The following FHIP1A variants were observed in gnomAD, a reference collection of about 807,000 sequenced individuals.
FHIP1A encodes the protein FHF complex subunit HOOK-interacting protein 1A.
In FHIP1A, 61 loss-of-function variants were observed where a neutral mutation model predicts 88.6. The observed-to-expected ratio is 0.69, with a 90% CI of 0.56 to 0.85. The LOEUF (loss-of-function observed/expected upper bound fraction) is 0.85, where lower values mean the gene tolerates loss of function less well. Among genes scored for constraint, FHIP1A ranks in the 40% least tolerant of loss-of-function variants. The pLI is 0.00. For synonymous variants in FHIP1A, 478 were observed against 496.0 expected (o/e 0.96, Z 0.48); for missense variants, 1,154 against 1,273.5 (o/e 0.91, Z 1.43).
At chr4:151,579,262 A>G (rs1356518731) in intron 5 of FHIP1A, among the ~76,000 whole-genome samples, 1 of 152,172 alleles carries the variant, frequency 6.6e-6, no homozygotes, top group Non-Finnish European at 1.5e-5. Flanking sequence ...GGGTGACTAT[A>G]ATGTGTCACT....
intron 2 of FHIP1A, among the ~76,000 whole-genome samples, chr4:151,462,682 T>G (rs546299333): frequency 6.6e-6 from 1 of 152,244 alleles, no homozygotes; most frequent in East Asian, 1.9e-4. Flanking sequence ...GCAATTGAAA[T>G]TTGATGAGCA....
rs537327611 is a variant in FHIP1A at position 151,526,557 on chromosome 4, C to T, written c.-122-39581C>T. Among the ~76,000 whole-genome samples the T allele has an allele frequency of 4.2e-3, 603 of 142,646 alleles. 3 individuals are homozygous for T. Among genetic ancestry groups the T allele is most frequent in the African/African-American group, 0.015 (564 of 38,076 alleles). The allele number at this position is 142,646 out of a possible 152,430, so 93.6% of individuals were successfully genotyped here. A position where few individuals can be genotyped will look rare whatever the true frequency, so the allele number is the denominator to read the frequency against. On this transcript the variant is annotated intron_variant, in intron 3 of 13. Coordinates refer to ENST00000435205, the MANE Select transcript of FHIP1A (RefSeq NM_001109977.3). ...GGGGCTACTCACTTCCCAGTAGGGG[C>T]GGCCGGGCAGAGGCGCCCCTCACCT...
intron 3 of FHIP1A, among the ~76,000 whole-genome samples, chr4:151,488,963 C>T (rs1270734669): frequency 7.2e-5 from 11 of 152,194 alleles, no homozygotes; most frequent in Admixed American, 7.2e-4. Flanking sequence ...GCAGCTCCCA[C>T]TTAGACAGAC....
chr4:151,471,133 A>G (rs1729495334), intron 2 of FHIP1A, among the ~76,000 whole-genome samples: 1 of 152,114 alleles, frequency 6.6e-6, no homozygotes, highest in African/African-American at 2.4e-5. Flanking sequence ...AGGGCCATTT[A>G]CCAATCAGTC....
At chr4:151,550,384 A>G (rs971377976) in intron 3 of FHIP1A, among the ~76,000 whole-genome samples, 1 of 151,966 alleles carries the variant, frequency 6.6e-6, no homozygotes, top group Non-Finnish European at 1.5e-5. Flanking sequence ...CCGAACCCCT[A>G]TGTGTGTATT....
At chr4:151,571,811 A>G (rs1733612257) in intron 4 of FHIP1A, among the ~76,000 whole-genome samples, 1 of 152,250 alleles carries the variant, frequency 6.6e-6, no homozygotes, top group Non-Finnish European at 1.5e-5. Context: ...TCCAAGACTT[A>G]CAGGTAGCTC....
Position 151,650,401 on chromosome 4 carries a change from A to T in FHIP1A, c.2360A>T (p.Glu787Val), listed in dbSNP as rs1334331463. ...CCCTTGCTTCTCACTAAGGAGGAAG[A>T]AGGGAAGGAAGAGAGTAAAGGAGAA... ...PDPLLLTKEE[E>V]GKEESKGEKE... The change falls in exon 11 of 14, where the codon GAA (glutamate) becomes GTA (valine). Residue 787 changes from glutamate to valine, a missense_variant. Coordinates refer to ENST00000435205, the MANE Select transcript of FHIP1A (RefSeq NM_001109977.3). 6.4e-7 allele frequency: 1 copy of T among 1,551,652 alleles called. No homozygotes were observed. Among genetic ancestry groups the T allele is most frequent in the African/African-American group, 1.4e-5 (1 of 73,062 alleles).
At chr4:151,527,331 G>C (rs914382259) in intron 3 of FHIP1A, among the ~76,000 whole-genome samples, 1 of 152,196 alleles carries the variant, frequency 6.6e-6, no homozygotes, top group South Asian at 2.1e-4. Context: ...AGACCAGCCC[G>C]GCCAACACAG....
At chr4:151,481,491 G>A (rs1290901278) in intron 2 of FHIP1A, among the ~76,000 whole-genome samples, 3 of 151,820 alleles carry the variant, frequency 2.0e-5, no homozygotes, top group Non-Finnish European at 4.4e-5. Context: ...CATTTAAATC[G>A]TTTCCATGTT....
chr4:151,563,558 A>G (rs149916359), intron 3 of FHIP1A, among the ~76,000 whole-genome samples: 1 of 152,322 alleles, frequency 6.6e-6, no homozygotes, highest in African/African-American at 2.4e-5. Flanking sequence ...ATGATGCCAT[A>G]TTCATGACAG....
At position 151,566,317 on chromosome 4, in the gene FHIP1A, G is replaced by A; in HGVS notation, c.58G>A (p.Val20Ile). ...CCAGCAGGCTGTGAGCCTACAGGGA[G>A]TTGACCCAGAAACATGCATGATTGT... ...KLQQAVSLQG[V>I]DPETCMIVFK... Residue 20 changes from valine (V) to isoleucine (I), a missense_variant, in exon 4 of 14, where the codon GTT (valine) becomes ATT (isoleucine). Coordinates refer to ENST00000435205, the MANE Select transcript of FHIP1A (RefSeq NM_001109977.3). The A allele has an allele frequency of 1.3e-6, 2 of 1,550,992 alleles. No individual in the cohort carries two copies. The highest frequency in any genetic ancestry group is 1.7e-6 in the Non-Finnish European group (2 of 1,146,410).
At chr4:151,639,313 A>G (rs1210093120) in intron 9 of FHIP1A, among the ~76,000 whole-genome samples, 1 of 152,200 alleles carries the variant, frequency 6.6e-6, no homozygotes, top group Non-Finnish European at 1.5e-5. Flanking sequence ...ACAGGTGGGA[A>G]AGGTTTTATG....
intron 3 of FHIP1A, among the ~76,000 whole-genome samples, chr4:151,503,945 A>C (rs1019017922): frequency 1.3e-5 from 2 of 152,360 alleles, no homozygotes; most frequent in East Asian, 3.9e-4. Flanking sequence ...GCAAAACAAT[A>C]GGAATGTCCC....
At chr4:151,451,347 G>T (rs966260742) in intron 1 of FHIP1A, among the ~76,000 whole-genome samples, 1 of 152,032 alleles carries the variant, frequency 6.6e-6, no homozygotes, top group Non-Finnish European at 1.5e-5. Flanking sequence ...GGTTCCTGGT[G>T]ATTGGATCAT....
intron 3 of FHIP1A, among the ~76,000 whole-genome samples, chr4:151,520,233 T>C (rs928199020): frequency 6.6e-6 from 1 of 152,210 alleles, no homozygotes; most frequent in East Asian, 1.9e-4. Flanking sequence ...TCAGTTTTTT[T>C]GAGTGATGTT....
chr4:151,624,709 C>T (rs1735886095), intron 7 of FHIP1A, among the ~76,000 whole-genome samples: 1 of 152,142 alleles, frequency 6.6e-6, no homozygotes, highest in African/African-American at 2.4e-5. Flanking sequence ...AATCAGCAAA[C>T]TTGCTGACTT....
intron 2 of FHIP1A, among the ~76,000 whole-genome samples, chr4:151,455,530 ACTAGGAGT>A (rs1728935948): frequency 6.6e-6 from 1 of 152,184 alleles, no homozygotes; most frequent in Non-Finnish European, 1.5e-5. Context: ...CCATGGAAGG[ACTAGGAGT>A]CAATTTCATT....
chr4:151,430,724 C>G (rs1733559533), intron 1 of FHIP1A, among the ~76,000 whole-genome samples: 1 of 152,216 alleles, frequency 6.6e-6, no homozygotes, highest in Non-Finnish European at 1.5e-5. Context: ...TTTGTCACAG[C>G]TCCATTCAGC....
chr4:151,491,830 C>T (rs1580628147), intron 3 of FHIP1A, among the ~76,000 whole-genome samples: 1 of 151,910 alleles, frequency 6.6e-6, no homozygotes, highest in African/African-American at 2.4e-5. Context: ...ACATAGAAAC[C>T]AAAAGCAAGC....
Sources: gnomAD v4.1 joint callset for allele counts (sites outside exome capture counted in the v4.1 genomes callset) on GRCh38, gnomAD v4.1.1 for gene constraint, MANE v1.5 for transcripts, NCBI Gene and HGNC (gene_info 2026-07-23, HGNC 2026-07-21) for gene names.